The following FAM221A variants were observed in gnomAD, a reference collection of about 807,000 sequenced individuals.
The protein encoded by FAM221A is family with sequence similarity 221 member A, also known as protein FAM221A.
A neutral mutation model predicts 37.6 loss-of-function variants in FAM221A; 43 were observed. The ratio of observed to expected loss-of-function variants is 1.15; its 90% CI spans 0.90 to 1.48. The LOEUF (loss-of-function observed/expected upper bound fraction) is 1.48, where lower values mean the gene tolerates loss of function less well. Ranked by LOEUF, FAM221A falls within the 40% of genes most tolerant of loss-of-function variation. The pLI, the probability that FAM221A is intolerant of heterozygous loss-of-function variation, is 0.00. For missense variants in FAM221A, 361 were observed against 361.5 expected (o/e 1.00, Z 0.01); for synonymous variants, 135 against 132.9 (o/e 1.02, Z -0.11).
chr7:23,690,529 T>C (rs1468468073), intron 3 of FAM221A, among the ~76,000 whole-genome samples: 3 of 151,874 alleles, frequency 2.0e-5, no homozygotes, highest in African/African-American at 7.3e-5. Context: ...TTGTCAGAGG[T>C]GTGAATGGGT....
At chr7:23,682,802 TAAATACC>T (rs1174878065) in intron 1 of FAM221A, among the ~76,000 whole-genome samples, 1 of 152,148 alleles carries the variant, frequency 6.6e-6, no homozygotes, top group Non-Finnish European at 1.5e-5. Flanking sequence ...GTCTAGAACT[TAAATACC>T]AATGACATCT....
chr7:23,686,429 A>C (rs1784375040), intron 2 of FAM221A: 1 of 305,710 alleles, frequency 3.3e-6, no homozygotes. Context: ...ACATCCAGCT[A>C]ATTTTTGTAT....
intron 5 of FAM221A, among the ~76,000 whole-genome samples, chr7:23,699,597 T>A (rs75193812): frequency 0.016 from 2,233 of 138,836 alleles, 58 homozygotes; most frequent in African/African-American, 0.057. Flanking sequence ...GGCTGGAGTA[T>A]AGTGGTGTGA....
rs548646278 is a variant in FAM221A, at chr7:23,684,608, C to T, written c.175C>T (p.Arg59Trp). The change falls in exon 2 of 7, where the codon CGG becomes TGG. Residue 59 changes from arginine (R) to tryptophan (W), a missense_variant. Coordinates refer to ENST00000344962, the MANE Select transcript of FAM221A (RefSeq NM_199136.5). Reference sequence around the variant, plus strand: ...ACAAAACAGATTATTTGTGAGCTGGCGGTCACCAACAGGGATGGATTGTAA... The same window carrying T: ...ACAAAACAGATTATTTGTGAGCTGGTGGTCACCAACAGGGATGGATTGTAA... The part of the protein sequence containing the change: ...RLQNRLFVSW[R>W]SPTGMDCKLV... The T allele has an allele frequency of 9.3e-6, 15 of 1,613,946 alleles. No homozygotes were observed. Among genetic ancestry groups the T allele is most frequent in the East Asian group, 2.2e-5 (1 of 44,868 alleles).
intron 1 of FAM221A, chr7:23,680,716 G>GTGTTTTTCTCCTAAATACTCAC (rs1301892241): frequency 6.2e-6 from 1 of 160,048 alleles, no homozygotes; most frequent in African/African-American, 2.4e-5. Context: ...GAAAGGCACC[G>GTGTTTTTCTCCTAAATACTCAC]ACTGGTGTTT....
At chr7:23,684,151 G>T (rs929810185) in intron 1 of FAM221A, among the ~76,000 whole-genome samples, 1 of 152,110 alleles carries the variant, frequency 6.6e-6, no homozygotes, top group African/African-American at 2.4e-5. Context: ...AGTTTCTTCA[G>T]ACCCCCAGTA....
intron 2 of FAM221A, among the ~76,000 whole-genome samples, chr7:23,685,700 A>G (rs1054481690): frequency 3.3e-5 from 5 of 152,222 alleles, no homozygotes; most frequent in Non-Finnish European, 5.9e-5. Context: ...ACAAATGGTC[A>G]TGTTCCAAGA....
Position 23,691,393 on chromosome 7 carries a change from C to T in FAM221A, c.434C>T (p.Ser145Phe). ...AAPGFTCNTC[S>F]KCSGFHSCFT... The stretch of plus-strand genomic sequence containing the variant: ...CTCCCTTTACATCTTGATTCAGGTT[C>T]CAAGTGTTCAGGATTCCATAGCTGC... Residue 145 changes from serine (S) to phenylalanine (F), a missense_variant, in exon 4 of 7, where the codon TCC becomes TTC. Ser to Phe is a radical substitution (Grantham distance 155, BLOSUM62 -2). Coordinates refer to ENST00000344962, the MANE Select transcript of FAM221A (RefSeq NM_199136.5). 6.2e-7 allele frequency: 1 copy of T among 1,613,966 alleles called. No individual in the cohort carries two copies. Among genetic ancestry groups the T allele is most frequent in the Non-Finnish European group, 8.5e-7 (1 of 1,179,882 alleles).
chr7:23,680,855 T>TG (rs1783993056), intron 1 of FAM221A: 1 of 152,470 alleles, frequency 6.6e-6, no homozygotes, highest in Admixed American at 6.5e-5. Flanking sequence ...TTCCGCTTCC[T>TG]GGGGTTTTTG....
intron 4 of FAM221A, 29 bp from the exon 5 acceptor site, chr7:23,698,163 T>G: frequency 1.7e-6 from 2 of 1,159,306 alleles, no homozygotes; most frequent in Non-Finnish European, 2.6e-6. Flanking sequence ...AAATATTTAA[T>G]TTTTATTCTC....
intron 2 of FAM221A, 115 bp from the exon 3 acceptor site, chr7:23,689,154 G>T (rs746133396): frequency 3.1e-6 from 2 of 645,704 alleles, no homozygotes; most frequent in East Asian, 5.5e-5. Flanking sequence ...TTACTATGAA[G>T]AATAATAAAG....
intron 2 of FAM221A, among the ~76,000 whole-genome samples, chr7:23,685,470 G>C (rs370941330): frequency 4.6e-5 from 7 of 152,128 alleles, no homozygotes. Flanking sequence ...AGTTTGACTG[G>C]GGAGCAGTCT....
At chr7:23,691,726 A>T (rs1784765359) in intron 4 of FAM221A, 130 bp downstream of exon 4, 2 of 831,582 alleles carry the variant, frequency 2.4e-6, no homozygotes, top group African/African-American at 3.5e-5. Context: ...TTTGATTTTT[A>T]TTTTTTAAAA....
intron 2 of FAM221A, chr7:23,688,571 C>G (rs1406998469): frequency 6.6e-6 from 1 of 151,326 alleles, no homozygotes; most frequent in Non-Finnish European, 1.5e-5. Context: ...TTTTAAGTAG[C>G]AAACATGCAA....
At chr7:23,700,953 C>A (rs928258951) in intron 6 of FAM221A, 85 bp downstream of exon 6, 3 of 894,940 alleles carry the variant, frequency 3.4e-6, no homozygotes, top group Admixed American at 2.4e-5. Flanking sequence ...TGTGGAACAT[C>A]CTTGAAAATA....
intron 1 of FAM221A, among the ~76,000 whole-genome samples, chr7:23,683,036 C>A (rs1784151447): frequency 6.6e-6 from 1 of 151,918 alleles, no homozygotes; most frequent in Non-Finnish European, 1.5e-5. Context: ...TTTCTAATGG[C>A]AAGTACATAG....
chr7:23,680,288 G>GTA lies in FAM221A; in HGVS notation c.65+5_65+6insTA. The GTA allele has an allele frequency of 6.5e-7, 1 of 1,544,678 alleles. No homozygotes were observed. On this transcript the variant is annotated splice_donor_region_variant and intron_variant, in intron 1 of 6. Transcript: ENST00000344962. The stretch of plus-strand genomic sequence containing the variant: ...CGAGTACCTGGAGTACCGGAGGTGA[G>GTA]GCTGTGGCTCCGGGCCTGCCCCCCC...
chr7:23,682,371 A>ATGTGTGTGTG (rs10533703), intron 1 of FAM221A, among the ~76,000 whole-genome samples: 2 of 138,122 alleles, frequency 1.4e-5, no homozygotes, highest in African/African-American at 5.4e-5. Flanking sequence ...TGGCTTTATC[A>ATGTGTGTGTG]TGTGTGTGTG....
chr7:23,691,328 T>G, intron 3 of FAM221A, 62 bp from the exon 4 acceptor site: 1 of 1,531,422 alleles, frequency 6.5e-7, no homozygotes, highest in Non-Finnish European at 9.0e-7. Context: ...CCAGGCTAAG[T>G]GTCTTTAGGG....
Sources: gnomAD v4.1 joint callset for allele counts (sites outside exome capture counted in the v4.1 genomes callset) on GRCh38, gnomAD v4.1.1 for gene constraint, MANE v1.5 for transcripts, NCBI Gene and HGNC (gene_info 2026-07-23, HGNC 2026-07-21) for gene names.